Variants in CNTN5 observed in about 807,000 individuals in gnomAD.
CNTN5 encodes the protein contactin-5.
CNTN5 carries 77 observed loss-of-function variants against 129.1 expected under a neutral mutation model. That is an observed-to-expected ratio of 0.60 (90% CI 0.50 to 0.72). CNTN5 has a LOEUF of 0.72. Among genes scored for constraint, CNTN5 ranks in the 30% least tolerant of loss-of-function variants. The probability of loss-of-function intolerance (pLI) is 0.00; values close to 1 mark genes in which losing one functional copy is unlikely to be tolerated. For missense variants in CNTN5, 1,478 were observed against 1,328.8 expected, an observed-to-expected ratio of 1.11 and a Z score of -1.75; for synonymous variants, 509 against 465.6, an observed-to-expected ratio of 1.09 and a Z score of -1.20.
intron 15 of CNTN5, among the ~76,000 whole-genome samples, chr11:100,210,120 G>A (rs932978380): frequency 3.4e-4 from 50 of 148,104 alleles, no homozygotes; most frequent in African/African-American, 1.2e-3. Context: ...TGGATCACCT[G>A]AGCCCAAGAG....
At chr11:99,916,889 A>G (rs1949804758) in intron 7 of CNTN5, among the ~76,000 whole-genome samples, 1 of 152,130 alleles carries the variant, frequency 6.6e-6, no homozygotes, top group Non-Finnish European at 1.5e-5. Context: ...AGGAAGAACC[A>G]AGGAATGAAG....
At chr11:99,912,109 A>G (rs898492407) in intron 6 of CNTN5, among the ~76,000 whole-genome samples, 1 of 151,992 alleles carries the variant, frequency 6.6e-6, no homozygotes, top group Non-Finnish European at 1.5e-5. Context: ...ACAGGGATGA[A>G]AAGAGTAACT....
At chr11:100,258,008 C>G (rs1591444317) in intron 17 of CNTN5, among the ~76,000 whole-genome samples, 1 of 152,034 alleles carries the variant, frequency 6.6e-6, no homozygotes, top group Non-Finnish European at 1.5e-5. Context: ...GGAGCATGTT[C>G]TAACCCAATG....
intron 13 of CNTN5, among the ~76,000 whole-genome samples, chr11:100,136,157 T>C (rs1467192672): frequency 1.3e-5 from 2 of 152,122 alleles, no homozygotes; most frequent in African/African-American, 4.8e-5. Flanking sequence ...AAACCCAGGA[T>C]TGTCAAAGCA....
intron 8 of CNTN5, among the ~76,000 whole-genome samples, chr11:99,967,907 T>C (rs193282881): frequency 2.0e-5 from 3 of 152,304 alleles, no homozygotes; most frequent in East Asian, 1.9e-4. Context: ...TCTACACTTA[T>C]GTTTTCTGCA....
intron 3 of CNTN5, among the ~76,000 whole-genome samples, chr11:99,775,456 TA>T (rs1266544429): frequency 6.6e-6 from 1 of 152,036 alleles, no homozygotes; most frequent in Non-Finnish European, 1.5e-5. Flanking sequence ...TCCAGTTAAA[TA>T]TAAAAATATA....
intron 1 of CNTN5, among the ~76,000 whole-genome samples, chr11:99,270,654 G>A (rs1002742971): frequency 6.6e-6 from 1 of 151,860 alleles, no homozygotes; most frequent in African/African-American, 2.4e-5. Context: ...ATAAAATTTT[G>A]TGAGTTAAAG....
At position 100,283,685 on chromosome 11, in the gene CNTN5, C is replaced by A. The variant is rs559293229; in HGVS notation, c.2314+12444C>A. ...TCCGGGCCGGGCGCTGTGGCTCACACCTGTAATCCCAGCACTTTGGGAGGC... is the reference window on the plus strand; with the variant it reads ...TCCGGGCCGGGCGCTGTGGCTCACAACTGTAATCCCAGCACTTTGGGAGGC... On this transcript the variant is annotated intron_variant, in intron 18 of 24. Coordinates refer to ENST00000524871, the MANE Select transcript of CNTN5 (RefSeq NM_014361.4). Among the ~76,000 whole-genome samples the A allele has an allele frequency of 2.6e-5, 4 of 152,302 alleles. No individual in the cohort carries two copies. The East Asian group carries it at 5.8e-4, about 22-fold the overall frequency.
At chr11:100,156,317 T>C (rs186149137) in intron 13 of CNTN5, among the ~76,000 whole-genome samples, 131 of 152,278 alleles carry the variant, frequency 8.6e-4, no homozygotes, top group Middle Eastern at 6.8e-3. Context: ...TTGATTTGCA[T>C]ATGTTGAACC....
chr11:99,976,361 G>A (rs890520400), intron 8 of CNTN5, among the ~76,000 whole-genome samples: 4 of 152,176 alleles, frequency 2.6e-5, no homozygotes, highest in Non-Finnish European at 5.9e-5. Context: ...TCATCTCAAA[G>A]CTCCACTGGG....
intron 1 of CNTN5, among the ~76,000 whole-genome samples, chr11:99,189,514 G>A (rs745632844): frequency 1.6e-4 from 25 of 151,538 alleles, no homozygotes; most frequent in African/African-American, 5.1e-4. Flanking sequence ...ACTATGCAAA[G>A]GTTTCCATTT....
intron 1 of CNTN5, among the ~76,000 whole-genome samples, chr11:99,190,828 T>C (rs77869020): frequency 0.017 from 2,601 of 151,716 alleles, 40 homozygotes; most frequent in African/African-American, 0.037. Flanking sequence ...TCATGTAATC[T>C]GTATTTTTTT....
chr11:100,039,610 C>G (rs1405828300), intron 9 of CNTN5, among the ~76,000 whole-genome samples: 1 of 152,222 alleles, frequency 6.6e-6, no homozygotes. Context: ...GTACACTAAT[C>G]AGACATAGAT....
At chr11:99,641,591 A>G (rs916767489) in intron 3 of CNTN5, among the ~76,000 whole-genome samples, 1 of 152,124 alleles carries the variant, frequency 6.6e-6, no homozygotes, top group Non-Finnish European at 1.5e-5. Flanking sequence ...GGAAATTCCT[A>G]CATCATTATC....
chr11:99,620,508 C>CTTTTCTT (rs1565356098), intron 3 of CNTN5, among the ~76,000 whole-genome samples: 60 of 106,776 alleles, frequency 5.6e-4, no homozygotes, highest in East Asian at 2.1e-3. Flanking sequence ...TTTTTCTTTT[C>CTTTTCTT]TTTTTTTTTT....
Position 99,896,375 on chromosome 11 carries a change from G to C in CNTN5, c.578-19679G>C, listed in dbSNP as rs367791527. 3.9e-5 allele frequency among the ~76,000 whole-genome samples: 6 copies of C among 152,270 alleles called. No homozygotes were observed. In the East Asian group the frequency reaches 9.7e-4, roughly 25 times the overall value. On this transcript the variant is annotated intron_variant, in intron 6 of 24. Transcript: ENST00000524871. ...TAGGCCCTCTGTGATCACAGCTGCTGCTGTCTCTGCACATGCTGCTCCCAG... is the reference window on the plus strand; with the variant it reads ...TAGGCCCTCTGTGATCACAGCTGCTCCTGTCTCTGCACATGCTGCTCCCAG...
chr11:99,649,197 T>C (rs536406062), intron 3 of CNTN5, among the ~76,000 whole-genome samples: 7 of 151,340 alleles, frequency 4.6e-5, no homozygotes, highest in East Asian at 1.9e-4. Flanking sequence ...ATAAATAATA[T>C]TGAAAAATAG....
At chr11:99,248,677 A>G (rs1861943954) in intron 1 of CNTN5, among the ~76,000 whole-genome samples, 1 of 152,074 alleles carries the variant, frequency 6.6e-6, no homozygotes, top group Non-Finnish European at 1.5e-5. Flanking sequence ...TCAGCTTTTT[A>G]CATATGGCTA....
At chr11:99,403,832 T>C (rs4754617) in intron 2 of CNTN5, among the ~76,000 whole-genome samples, 113,360 of 152,054 alleles carry the variant, frequency 0.75, 43,122 homozygotes, top group African/African-American at 0.9. Context: ...TATTCTGCAG[T>C]TCTTGGATGA....
Sources: allele counts gnomAD v4.1 joint callset (sites outside exome capture counted in the v4.1 genomes callset), GRCh38; gene constraint gnomAD v4.1.1; transcripts MANE v1.5; gene names NCBI Gene and HGNC (gene_info 2026-07-23, HGNC 2026-07-21).